Variants in XRRA1 observed in about 807,000 individuals in gnomAD.
XRRA1 encodes the protein X-ray radiation resistance-associated protein 1.
Under a neutral mutation model 80.2 loss-of-function variants are expected in XRRA1, and 69 were observed. That is an observed-to-expected ratio of 0.86 (90% CI 0.71 to 1.05). The LOEUF is 1.05. Among genes scored for constraint, XRRA1 ranks in the 50% least tolerant of loss-of-function variants. The probability of loss-of-function intolerance (pLI) is 0.00; values close to 1 mark genes in which losing one functional copy is unlikely to be tolerated. For synonymous variants in XRRA1, 348 were observed against 389.9 expected, an observed-to-expected ratio of 0.89 and a Z score of 1.27; for missense variants, 967 against 976.4, an observed-to-expected ratio of 0.99 and a Z score of 0.13.
chr11:74,946,605 A>G (rs1162780473), intron 1 of XRRA1, among the ~76,000 whole-genome samples: 1 of 152,212 alleles, frequency 6.6e-6, no homozygotes, highest in African/African-American at 2.4e-5. Context: ...AGTCTTGAGC[A>G]GTTCTTTATA....
At chr11:74,929,368 C>T (rs1942992143) in intron 6 of XRRA1, among the ~76,000 whole-genome samples, 1 of 152,138 alleles carries the variant, frequency 6.6e-6, no homozygotes. Context: ...CCCCTGAAAA[C>T]CTGAAATAAT....
intron 8 of XRRA1, 43 bp from the exon 9 acceptor site, chr11:74,907,316 C>G: frequency 6.2e-7 from 1 of 1,608,784 alleles, no homozygotes; most frequent in Non-Finnish European, 8.5e-7. Context: ...GGTCGAGGGA[C>G]AAATTCCACC....
intron 15 of XRRA1, 35 bp downstream of exon 15, chr11:74,848,080 G>A (rs1490394605): frequency 1.9e-6 from 3 of 1,571,696 alleles, no homozygotes; most frequent in Non-Finnish European, 2.6e-6. Context: ...GTGGGAGCTA[G>A]CAACAAGTGG....
intron 10 of XRRA1, among the ~76,000 whole-genome samples, chr11:74,870,326 C>T (rs549198275): frequency 3.7e-4 from 56 of 152,346 alleles, no homozygotes; most frequent in African/African-American, 1.2e-3. Flanking sequence ...GCCAGGGCTA[C>T]ACCCAGGTGT....
chr11:74,874,990 G>A (rs1257420330), intron 10 of XRRA1, among the ~76,000 whole-genome samples: 1 of 152,152 alleles, frequency 6.6e-6, no homozygotes, highest in Non-Finnish European at 1.5e-5. Context: ...GCTCTTACAA[G>A]AACACTTGAA....
intron 5 of XRRA1, 26 bp downstream of exon 5, chr11:74,933,775 A>T (rs1442883106): frequency 5.1e-6 from 8 of 1,566,542 alleles, no homozygotes; most frequent in African/African-American, 1.4e-5. Context: ...GCTCACCCCA[A>T]TCACATCTTT....
chr11:74,900,485 G>C (rs1349873700), intron 10 of XRRA1, among the ~76,000 whole-genome samples: 2 of 152,164 alleles, frequency 1.3e-5, no homozygotes, highest in Admixed American at 1.3e-4. Context: ...GGGAGGCTGA[G>C]GCAGGAGAAT....
At chr11:74,940,739 C>A in intron 3 of XRRA1, 46 bp downstream of exon 3, 1 of 1,485,408 alleles carries the variant, frequency 6.7e-7, no homozygotes, top group Non-Finnish European at 9.2e-7. Flanking sequence ...GTCTAAAGCA[C>A]GAGCTAGGTA....
intron 3 of XRRA1, among the ~76,000 whole-genome samples, chr11:74,939,772 T>C (rs959434763): frequency 2.0e-5 from 3 of 152,204 alleles, no homozygotes; most frequent in African/African-American, 4.8e-5. Flanking sequence ...CACTAAAACA[T>C]ATAGATATAT....
chr11:74,886,484 A>T (rs2049045152), intron 10 of XRRA1, among the ~76,000 whole-genome samples: 1 of 152,136 alleles, frequency 6.6e-6, no homozygotes, highest in African/African-American at 2.4e-5. Flanking sequence ...AGAATAACAT[A>T]CCTAGGAATA....
At chr11:74,880,350 C>CT (rs1278476477) in intron 10 of XRRA1, among the ~76,000 whole-genome samples, 3 of 152,098 alleles carry the variant, frequency 2.0e-5, no homozygotes, top group Admixed American at 6.5e-5. Context: ...TTCGATTCTT[C>CT]TTTTTTTCTT....
In XRRA1 at chr11:74,937,055, C is replaced by T. The variant is rs1369160756; in HGVS notation, c.108G>A (p.Trp36Ter). Residue 36 changes from tryptophan to a stop codon, truncating the protein, a stop_gained, in exon 4 of 19, where the codon TGG (tryptophan) becomes TGA (stop). Transcript: ENST00000684022. LOFTEE classifies it high-confidence loss of function. Reference sequence around the variant, plus strand: ...TGAGGTTACCTTTCTGAACCACTAACCAGTGTCCTTGGCCTGTTGAGAAAA... The same window carrying T: ...TGAGGTTACCTTTCTGAACCACTAATCAGTGTCCTTGGCCTGTTGAGAAAA... Reference protein sequence around the residue: ...LRVPEEGQGHWLVVQKGNLKK... With the variant: ...LRVPEEGQGH 1 of 1,613,676 alleles carries T rather than the reference C, an allele frequency of 6.2e-7. No individual in the cohort carries two copies.
In XRRA1 at chr11:74,874,452, G is replaced by A. The variant is rs145832258; in HGVS notation, c.1004-11431C>T. ...AGTTTTAACTCAAGCCCGAGGACCA[G>A]CTCAACAGCCAGTGGGCTCCCTAAG... On this transcript the variant is annotated intron_variant, in intron 10 of 18. Transcript: ENST00000684022. Among the ~76,000 whole-genome samples the A allele has an allele frequency of 8.7e-3, 1,326 of 152,174 alleles. 30 individuals carry two copies. Among genetic ancestry groups the A allele is most frequent in the African/African-American group, 0.031 (1,269 of 41,498 alleles).
At chr11:74,881,360 T>C (rs1253470901) in intron 10 of XRRA1, among the ~76,000 whole-genome samples, 2 of 151,496 alleles carry the variant, frequency 1.3e-5, no homozygotes, top group Non-Finnish European at 1.5e-5. Flanking sequence ...TGTGCGTCTC[T>C]GCACATGAGA....
intron 6 of XRRA1, among the ~76,000 whole-genome samples, chr11:74,929,116 A>G (rs1942929858): frequency 6.6e-6 from 1 of 152,160 alleles, no homozygotes; most frequent in Admixed American, 6.5e-5. Flanking sequence ...TTCTTTGAAA[A>G]CAATCTTCAA....
chr11:74,926,815 C>A (rs1942346624), intron 7 of XRRA1, among the ~76,000 whole-genome samples: 1 of 152,106 alleles, frequency 6.6e-6, no homozygotes, highest in Non-Finnish European at 1.5e-5. Context: ...TGTGAATGTA[C>A]AAATGTTCAA....
chr11:74,902,240 GCTGTTAT>G (rs893541790), intron 10 of XRRA1, among the ~76,000 whole-genome samples: 8 of 152,142 alleles, frequency 5.3e-5, no homozygotes, highest in African/African-American at 1.9e-4. Context: ...AGTTAAAATG[GCTGTTAT>G]CCAAAAGTCA....
intron 12 of XRRA1, among the ~76,000 whole-genome samples, chr11:74,857,610 C>A (rs1294970619): frequency 2.0e-5 from 3 of 152,106 alleles, no homozygotes; most frequent in African/African-American, 7.2e-5. Context: ...CAACCAACCA[C>A]CTTAACTTAA....
intron 8 of XRRA1, among the ~76,000 whole-genome samples, chr11:74,908,199 A>G: frequency 1.3e-5 from 2 of 152,220 alleles, no homozygotes; most frequent in East Asian, 3.8e-4. Flanking sequence ...GCATTGTGCG[A>G]TATGTTTTGT....
Sources: allele counts gnomAD v4.1 joint callset (sites outside exome capture counted in the v4.1 genomes callset), GRCh38; gene constraint gnomAD v4.1.1; transcripts MANE v1.5; gene names NCBI Gene and HGNC (gene_info 2026-07-23, HGNC 2026-07-21).